The following PTBP3 variants were observed in gnomAD, a reference collection of about 807,000 sequenced individuals.
PTBP3 encodes the protein polypyrimidine tract binding protein 3, also known as polypyrimidine tract-binding protein 3.
Under a neutral mutation model 58.7 loss-of-function variants are expected in PTBP3, and 20 were observed. The ratio of observed to expected loss-of-function variants is 0.34; its 90% confidence interval spans 0.24 to 0.50. PTBP3 has a LOEUF of 0.50. Ranked by LOEUF, PTBP3 falls within the 20% of genes least tolerant of loss-of-function variation. PTBP3 has a pLI of 0.98. For missense variants in PTBP3, 509 were observed against 637.2 expected (o/e 0.80, Z 2.17); for synonymous variants, 185 against 219.8 (o/e 0.84, Z 1.40).
chr9:112,341,810 T>A, the PTBP3 span, among the ~76,000 whole-genome samples: 1 of 152,248 alleles, frequency 6.6e-6, no homozygotes, highest in Non-Finnish European at 1.5e-5. Flanking sequence ...CAAAATTCTT[T>A]ACATAGTTCT....
upstream of PTBP3, among the ~76,000 whole-genome samples, chr9:112,334,372 T>C (rs939169519): frequency 1.3e-5 from 2 of 152,214 alleles, no homozygotes; most frequent in Non-Finnish European, 2.9e-5. Context: ...TATTCCCTTT[T>C]TTCAGATGAA....
chr9:112,223,407 G>A lies in PTBP3; in HGVS notation c.*444C>T. 1 of 932,992 alleles carries A rather than the reference G, an allele frequency of 1.1e-6. No homozygotes were observed. The highest frequency in any genetic ancestry group is 1.8e-5 in the African/African-American group (1 of 55,980). The allele number at this position is 932,992 out of a possible 1,614,324, so 57.8% of individuals were successfully genotyped here. On this transcript the variant is annotated 3_prime_UTR_variant, in exon 14 of 14. Coordinates refer to ENST00000374257, the MANE Select transcript of PTBP3 (RefSeq NM_001163788.4). ...CAAGGGTCAGACTTCTGATTCATAAGGTTAATAACTTGGTCATAAGTGATT... is the reference window on the plus strand; with the variant it reads ...CAAGGGTCAGACTTCTGATTCATAAAGTTAATAACTTGGTCATAAGTGATT...
chr9:112,306,762 C>T (rs1283846104), intron 1 of PTBP3, among the ~76,000 whole-genome samples: 1 of 151,906 alleles, frequency 6.6e-6, no homozygotes, highest in East Asian at 1.9e-4. Flanking sequence ...ATTACAGGCA[C>T]ACACCACCAT....
the PTBP3 span, among the ~76,000 whole-genome samples, chr9:112,369,199 C>T: frequency 5.1e-4 from 78 of 152,302 alleles, no homozygotes; most frequent in African/African-American, 1.7e-3. Flanking sequence ...ACACAGAGTC[C>T]CCACTGGGAT....
At chr9:112,376,242 A>G in the PTBP3 span, among the ~76,000 whole-genome samples, 11 of 76,188 alleles carry the variant, frequency 1.4e-4, no homozygotes, top group South Asian at 4.7e-4. Flanking sequence ...TGTGTAGGGG[A>G]GTTTATTAAG....
chr9:112,282,161 T>G (rs961651605), intron 2 of PTBP3, among the ~76,000 whole-genome samples: 2 of 152,208 alleles, frequency 1.3e-5, no homozygotes, highest in African/African-American at 4.8e-5. Flanking sequence ...CATAGCGAGT[T>G]AGGGCTTCAA....
chr9:112,296,343 C>T (rs1828688297), intron 2 of PTBP3, among the ~76,000 whole-genome samples: 1 of 151,902 alleles, frequency 6.6e-6, no homozygotes, highest in South Asian at 2.1e-4. Flanking sequence ...GTTCTAGTAT[C>T]CTGTATGCTT....
intron 3 of PTBP3, among the ~76,000 whole-genome samples, chr9:112,271,325 G>T (rs1388833648): frequency 1.3e-5 from 2 of 152,150 alleles, no homozygotes; most frequent in Non-Finnish European, 2.9e-5. Flanking sequence ...CAAAAATCTG[G>T]AATCCAAAAT....
At chr9:112,378,571 C>T in the PTBP3 span, among the ~76,000 whole-genome samples, 189 of 152,352 alleles carry the variant, frequency 1.2e-3, no homozygotes, top group African/African-American at 4.3e-3. Context: ...CAGATATATA[C>T]ACGCTTCAGC....
At chr9:112,363,884 GTGT>G in the PTBP3 span, among the ~76,000 whole-genome samples, 1 of 152,258 alleles carries the variant, frequency 6.6e-6, no homozygotes, top group South Asian at 2.1e-4. Flanking sequence ...GGTTCACTCT[GTGT>G]TGTACCTTCT....
the PTBP3 span, among the ~76,000 whole-genome samples, chr9:112,373,855 T>C: frequency 6.6e-6 from 1 of 152,226 alleles, no homozygotes; most frequent in Non-Finnish European, 1.5e-5. Context: ...AAGGAAATAC[T>C]CATGACAATT....
At chr9:112,353,965 A>T in the PTBP3 span, among the ~76,000 whole-genome samples, 843 of 152,130 alleles carry the variant, frequency 5.5e-3, 23 homozygotes, top group East Asian at 0.075. Flanking sequence ...CATTAAAAAA[A>T]AAATATATAT....
chr9:112,306,263 C>G (rs940171429), intron 1 of PTBP3, among the ~76,000 whole-genome samples: 1 of 151,958 alleles, frequency 6.6e-6, no homozygotes, highest in Non-Finnish European at 1.5e-5. Context: ...CTCCTAGGCT[C>G]AAGCGATCCT....
At chr9:112,282,393 T>A (rs1366743195) in intron 2 of PTBP3, among the ~76,000 whole-genome samples, 9 of 152,182 alleles carry the variant, frequency 5.9e-5, no homozygotes, top group Non-Finnish European at 1.3e-4. Context: ...TAATATTTCC[T>A]CTTTTCTATC....
intron 3 of PTBP3, among the ~76,000 whole-genome samples, chr9:112,269,357 C>G: frequency 6.6e-6 from 1 of 151,930 alleles, no homozygotes; most frequent in African/African-American, 2.4e-5. Flanking sequence ...ACTAATAATA[C>G]CCAGAGTCTT....
chr9:112,293,075 A>T (rs1439715591), intron 2 of PTBP3, among the ~76,000 whole-genome samples: 1 of 152,236 alleles, frequency 6.6e-6, no homozygotes, highest in Non-Finnish European at 1.5e-5. Context: ...GGGGCAATAC[A>T]CAACACAAGT....
rs1836090403 is a variant in PTBP3 at position 112,250,987 on chromosome 9, T to A, written c.744A>T (p.Leu248Phe). ...GCTGGCCATCACCAGTAGGAAGGTC[T>A]AAGCGAGTGAAGTCTCTGCTTTTGT... ...NNDKSRDFTR[L>F]DLPTGDGQPS... The change falls in exon 7 of 14, where the codon TTA becomes TTT. Residue 248 changes from leucine to phenylalanine, a missense_variant. Transcript: ENST00000374257. 6.2e-7 allele frequency: 1 copy of A among 1,612,548 alleles called. No homozygotes were observed. Among genetic ancestry groups the A allele is most frequent in the Non-Finnish European group, 8.5e-7 (1 of 1,179,240 alleles).
At position 112,324,094 on chromosome 9, in the gene PTBP3, AAAAG is replaced by A. The variant is rs139940394; in HGVS notation, c.-52+9372_-52+9375del. Among the ~76,000 whole-genome samples, 1,303 of 152,228 alleles carry A rather than the reference AAAAG, an allele frequency of 8.6e-3. 22 individuals carry two copies. Among genetic ancestry groups the A allele is most frequent in the African/African-American group, 0.03 (1,242 of 41,530 alleles). ...TTTCTCATCAGAAACCATACAAGCA[AAAAG>A]AAAGTGAAGTGAAATATTTAAAGAG... On this transcript the variant is annotated intron_variant, in intron 1 of 13. Transcript: ENST00000374257.
At chr9:112,335,519 T>C (rs1830563715), upstream of PTBP3, among the ~76,000 whole-genome samples, 1 of 150,438 alleles carries the variant, frequency 6.6e-6, no homozygotes, top group Admixed American at 6.6e-5. Context: ...CTCCTGACCT[T>C]GTGATCCACC....
Sources: allele counts gnomAD v4.1 joint callset (sites outside exome capture counted in the v4.1 genomes callset), GRCh38; gene constraint gnomAD v4.1.1; transcripts MANE v1.5; gene names NCBI Gene and HGNC (gene_info 2026-07-23, HGNC 2026-07-21).